Variants in TRPM7 observed in about 807,000 individuals in gnomAD.
TRPM7 encodes the protein transient receptor potential cation channel subfamily M member 7, also known as LTRPC ion channel family member 7.
Under a neutral mutation model 229.7 loss-of-function variants are expected in TRPM7, and 134 were observed. The ratio of observed to expected loss-of-function variants is 0.58; its 90% CI spans 0.51 to 0.67. TRPM7 has a LOEUF of 0.67. Ranked by LOEUF, TRPM7 falls within the 30% of genes least tolerant of loss-of-function variation. TRPM7 has a pLI of 0.00. For synonymous variants in TRPM7, 699 were observed against 715.2 expected, an observed-to-expected ratio of 0.98 and a Z score of 0.36; for missense variants, 1,901 against 2,210.0, an observed-to-expected ratio of 0.86 and a Z score of 2.80.
At position 50,593,592 on chromosome 15, in the gene TRPM7, G is replaced by A. The variant is rs757292131; in HGVS notation, c.3608+25C>T. 12 of 1,600,710 alleles carry A rather than the reference G, an allele frequency of 7.5e-6. No homozygotes were observed. The Admixed American group carries it at 1.1e-4, about 14-fold the overall frequency. On this transcript the variant is annotated intron_variant, in intron 25 of 38. Transcript: ENST00000646667. ...ATAGATCCCATTTTGACATATAACCGATTTTAACTAAAGGGCTTCTGAACC... is the reference window on the plus strand; with the variant it reads ...ATAGATCCCATTTTGACATATAACCAATTTTAACTAAAGGGCTTCTGAACC...
In TRPM7 at chr15:50,561,754, G is replaced by T. The variant is rs1365749170; in HGVS notation, c.5522C>A (p.Pro1841His). Residue 1841 changes from proline to histidine, a missense_variant, in exon 39 of 39, where the codon CCT becomes CAT. By Grantham distance (77) the Pro-to-His change is moderately conservative. Around this residue, in one of 8 missense-constraint regions of TRPM7, gnomAD observed 257 missense variants for 352.0 expected, o/e 0.73. Transcript: ENST00000646667. ...TCCAGGCTGAAGATTCAAATCTGAA[G>T]GCTCATCCTGAGGAAATATAATTTT... ...PDKIIFPQDE[P>H]SDLNLQPGNS... is the part of the protein sequence containing the mutation. 42 of 1,612,612 alleles carry T rather than the reference G, an allele frequency of 2.6e-5. No individual in the cohort carries two copies. The highest frequency in any genetic ancestry group is 3.5e-5 in the Non-Finnish European group (41 of 1,179,622).
intron 3 of TRPM7, among the ~76,000 whole-genome samples, chr15:50,657,103 C>G (rs1478982570): frequency 6.6e-6 from 1 of 152,122 alleles, no homozygotes. Flanking sequence ...GCGGGTGGAT[C>G]ACCTGAGGTC....
intron 1 of TRPM7, among the ~76,000 whole-genome samples, chr15:50,667,557 A>C (rs1023826301): frequency 2.0e-5 from 3 of 152,160 alleles, no homozygotes; most frequent in South Asian, 2.1e-4. Context: ...AATACAAAAA[A>C]TTAGCTGGGA....
intron 29 of TRPM7, among the ~76,000 whole-genome samples, chr15:50,581,453 C>A (rs540587537): frequency 6.6e-6 from 1 of 151,566 alleles, no homozygotes; most frequent in African/African-American, 2.4e-5. Flanking sequence ...GAGCCAAGAT[C>A]GTGCCATTGC....
chr15:50,672,898 C>CAAAAAAA lies in TRPM7; in HGVS notation c.4-9859_4-9853dup, dbSNP rs35153596. Among the ~76,000 whole-genome samples, 28 of 26,214 alleles carry CAAAAAAA rather than the reference C, an allele frequency of 1.1e-3. 4 individuals carry two copies. Among genetic ancestry groups the CAAAAAAA allele is most frequent in the African/African-American group, 3.5e-3 (27 of 7,660 alleles). 17.2% of individuals were successfully genotyped at this position (26,214 alleles called of 152,430 possible). A position where few individuals can be genotyped will look rare whatever the true frequency, so the allele number is the denominator to read the frequency against. On this transcript the variant is annotated intron_variant, in intron 1 of 38. Coordinates refer to ENST00000646667, the MANE Select transcript of TRPM7 (RefSeq NM_017672.6). ...AGGGTGACAGAGTGAGACTCTGTCT[C>CAAAAAAA]AAAAAAAAAAAAAAAAAAAAAAAAA...
Position 50,592,003 on chromosome 15 carries a change from C to T in TRPM7, c.4232G>A (p.Cys1411Tyr). Residue 1411 changes from cysteine to tyrosine, a missense_variant, in exon 26 of 39, where the codon TGC becomes TAC. Cys to Tyr is a radical substitution (Grantham distance 194). Coordinates refer to ENST00000646667, the MANE Select transcript of TRPM7 (RefSeq NM_017672.6). ...GGTTCCAGTTTCCAAGTGGCTTTTGCAACTTGGCTGAGATGGTGTACTAAC... is the reference window on the plus strand; with the variant it reads ...GGTTCCAGTTTCCAAGTGGCTTTTGTAACTTGGCTGAGATGGTGTACTAAC... ...FFVSTPSQPS[C>Y]KSHLETGTKD... 1.9e-6 allele frequency: 3 copies of T among 1,612,440 alleles called. No homozygotes were observed. The highest frequency in any genetic ancestry group is 1.1e-5 in the South Asian group (1 of 90,426).
Position 50,632,938 on chromosome 15 carries a change from A to C in TRPM7, c.1062T>G (p.Phe354Leu). Residue 354 changes from phenylalanine (F) to leucine (L), a missense_variant, in exon 9 of 39, where the codon TTT becomes TTG. Around this residue, in one of 8 missense-constraint regions of TRPM7, gnomAD observed 794 missense variants for 881.9 expected, o/e 0.90. Transcript: ENST00000646667. ...PDIISTIKKT[F>L]NFGQNEALHL... Reference sequence around the variant, plus strand: ...GAAGTGCTTCATTCTGGCCAAAGTTAAATGTTTTTTTGATAGTGGAAATAA... The same window carrying C: ...GAAGTGCTTCATTCTGGCCAAAGTTCAATGTTTTTTTGATAGTGGAAATAA... The C allele has an allele frequency of 6.2e-7, 1 of 1,606,932 alleles. No homozygotes were observed. Among genetic ancestry groups the C allele is most frequent in the Admixed American group, 1.7e-5 (1 of 58,446 alleles).
intron 3 of TRPM7, among the ~76,000 whole-genome samples, chr15:50,652,328 C>CAAAAA (rs34122648): frequency 8.8e-5 from 3 of 34,230 alleles, no homozygotes; most frequent in African/African-American, 1.4e-4. Flanking sequence ...GACTCCATCT[C>CAAAAA]AAAAAAAAAA....
chr15:50,653,487 T>C (rs2061478069), intron 3 of TRPM7, among the ~76,000 whole-genome samples: 1 of 152,108 alleles, frequency 6.6e-6, no homozygotes. Context: ...ATTCCTGACA[T>C]AAATGTGAAC....
chr15:50,637,335 T>A (rs2060939692), intron 7 of TRPM7, 87 bp downstream of exon 7: 3 of 1,301,800 alleles, frequency 2.3e-6, no homozygotes, highest in South Asian at 1.4e-5. Context: ...GAAAGAGCAC[T>A]TCAAAGAACA....
chr15:50,611,213 G>C lies in TRPM7; in HGVS notation c.2160C>G (p.Thr720=). Residue 720 remains threonine (T), a synonymous_variant, in exon 17 of 39, where the codon ACC becomes ACG. Transcript: ENST00000646667. ...TYELKNWSNS[T]CLKLAVSSRL... ...TTGAAGAAACTGCTAACTTAAGGCAGGTTGAATTACTCCAGTTCTTCAGTT... is the reference window on the plus strand; with the variant it reads ...TTGAAGAAACTGCTAACTTAAGGCACGTTGAATTACTCCAGTTCTTCAGTT... 1.9e-6 allele frequency: 3 copies of C among 1,613,914 alleles called. No individual in the cohort carries two copies. The highest frequency in any genetic ancestry group is 2.5e-6 in the Non-Finnish European group (3 of 1,179,936).
chr15:50,656,521 A>T (rs2061577707), intron 3 of TRPM7, among the ~76,000 whole-genome samples: 1 of 144,632 alleles, frequency 6.9e-6, no homozygotes. Flanking sequence ...TTTTTGGTAG[A>T]CACAGGGTCT....
At chr15:50,605,850 AAT>A (rs1164441054) in intron 20 of TRPM7, among the ~76,000 whole-genome samples, 1 of 152,234 alleles carries the variant, frequency 6.6e-6, no homozygotes, top group Non-Finnish European at 1.5e-5. Flanking sequence ...CAACAGATTT[AAT>A]AAACATATGG....
At chr15:50,654,833 T>TA (rs35864924) in intron 3 of TRPM7, among the ~76,000 whole-genome samples, 73,726 of 147,122 alleles carry the variant, frequency 0.5, 20,267 homozygotes, top group Admixed American at 0.61. Flanking sequence ...CCATCTCTAC[T>TA]AAAAAAAACC....
chr15:50,678,696 T>C (rs549717786), intron 1 of TRPM7, among the ~76,000 whole-genome samples: 7 of 152,020 alleles, frequency 4.6e-5, no homozygotes, highest in Non-Finnish European at 8.8e-5. Context: ...TTGAAAAGCA[T>C]CTATAATTCT....
chr15:50,632,072 G>C (rs1214759319), intron 9 of TRPM7, among the ~76,000 whole-genome samples: 1 of 152,128 alleles, frequency 6.6e-6, no homozygotes, highest in Non-Finnish European at 1.5e-5. Flanking sequence ...GGAGGCCAAG[G>C]TGGGCGGATC....
chr15:50,640,365 C>T (rs2061058509), intron 5 of TRPM7, among the ~76,000 whole-genome samples: 1 of 152,028 alleles, frequency 6.6e-6, no homozygotes, highest in African/African-American at 2.4e-5. Context: ...CAGCCTTGAC[C>T]TCCCGGGCTC....
intron 2 of TRPM7, among the ~76,000 whole-genome samples, chr15:50,660,932 T>C (rs2061705896): frequency 6.6e-6 from 1 of 151,932 alleles, no homozygotes; most frequent in Non-Finnish European, 1.5e-5. Flanking sequence ...GTAGAACAGG[T>C]ATATAAATTG....
At chr15:50,634,153 T>C (rs527771394) in intron 8 of TRPM7, among the ~76,000 whole-genome samples, 1 of 152,106 alleles carries the variant, frequency 6.6e-6, no homozygotes, top group South Asian at 2.1e-4. Context: ...ACCCCATCTC[T>C]ACTAAAAAGA....
Sources: gnomAD v4.1 joint callset for allele counts (sites outside exome capture counted in the v4.1 genomes callset) on GRCh38, gnomAD v4.1.1 for gene constraint, gnomAD v4.1.1 regional missense constraint, MANE v1.5 for transcripts, NCBI Gene and HGNC (gene_info 2026-07-23, HGNC 2026-07-21) for gene names.